The following AGBL4 variants were observed in gnomAD, a reference collection of about 807,000 sequenced individuals.
The protein encoded by AGBL4 is cytosolic carboxypeptidase 6.
Under a neutral mutation model 66.4 loss-of-function variants are expected in AGBL4, and 58 were observed. The ratio of observed to expected loss-of-function variants is 0.87; its 90% CI spans 0.71 to 1.09. The LOEUF is 1.09. Among genes scored for constraint, AGBL4 ranks in the 50% least tolerant of loss-of-function variants. AGBL4 has a pLI of 0.00. For missense variants in AGBL4, 579 were observed against 631.0 expected (o/e 0.92, Z 0.88); for synonymous variants, 234 against 222.9 (o/e 1.05, Z -0.44).
intron 3 of AGBL4, among the ~76,000 whole-genome samples, chr1:49,288,425 G>A (rs1015979557): frequency 6.6e-6 from 1 of 151,704 alleles, no homozygotes; most frequent in African/African-American, 2.4e-5. Context: ...ATCCAACAGA[G>A]AGCATTTGCT....
At chr1:49,238,243 C>T (rs1650941356) in intron 4 of AGBL4, among the ~76,000 whole-genome samples, 1 of 152,132 alleles carries the variant, frequency 6.6e-6, no homozygotes, top group Non-Finnish European at 1.5e-5. Context: ...GGGATGATTT[C>T]ATCCATTTTA....
At chr1:49,391,514 G>A (rs2148592550) in intron 3 of AGBL4, among the ~76,000 whole-genome samples, 1 of 151,746 alleles carries the variant, frequency 6.6e-6, no homozygotes, top group Admixed American at 6.6e-5. Flanking sequence ...TTAAATGTAG[G>A]AATGAGAGAG....
rs577655181 is a variant in AGBL4, at chr1:49,171,422, G to C, written c.377+74348C>G. 8.7e-4 allele frequency among the ~76,000 whole-genome samples: 132 copies of C among 152,258 alleles called. 1 individual carries two copies. Among genetic ancestry groups the C allele is most frequent in the Admixed American group, 2.0e-3 (30 of 15,288 alleles). ...CAGCCCATATTTCAAGTGATTTTCA[G>C]ATCCAACCAAAACACTTCAGTTCCA... On this transcript the variant is annotated intron_variant, in intron 4 of 13. Transcript: ENST00000371839.
Position 49,074,713 on chromosome 1 carries a change from A to G in AGBL4, c.378-28913T>C, listed in dbSNP as rs184623312. 2.0e-5 allele frequency among the ~76,000 whole-genome samples: 3 copies of G among 152,330 alleles called. 1 individual carries two copies. The East Asian group carries it at 5.8e-4, about 29-fold the overall frequency. ...TCCTAAAAAAATAACTAGTATTTGAACCCAGTTCTGTCTCACTCCAAAGGC... is the reference window on the plus strand; with the variant it reads ...TCCTAAAAAAATAACTAGTATTTGAGCCCAGTTCTGTCTCACTCCAAAGGC... On this transcript the variant is annotated intron_variant, in intron 4 of 13. Transcript: ENST00000371839.
At chr1:49,609,045 C>T (rs1247625521) in intron 3 of AGBL4, among the ~76,000 whole-genome samples, 3 of 152,122 alleles carry the variant, frequency 2.0e-5, no homozygotes, top group Admixed American at 2.0e-4. Context: ...ACCTGGCTGC[C>T]ATTGATGCTA....
chr1:49,843,414 C>T (rs961199983), intron 2 of AGBL4, among the ~76,000 whole-genome samples: 5 of 152,156 alleles, frequency 3.3e-5, no homozygotes, highest in Admixed American at 3.3e-4. Context: ...GTTAAGATTA[C>T]AGGCATGAGG....
At chr1:49,733,368 G>A (rs958506218) in intron 2 of AGBL4, among the ~76,000 whole-genome samples, 1 of 152,210 alleles carries the variant, frequency 6.6e-6, no homozygotes, top group Non-Finnish European at 1.5e-5. Flanking sequence ...TGGTAAACAT[G>A]TGGGTAAAGA....
chr1:49,379,999 A>G, intron 3 of AGBL4, among the ~76,000 whole-genome samples: 1 of 152,164 alleles, frequency 6.6e-6, no homozygotes, highest in Non-Finnish European at 1.5e-5. Context: ...AGTTCTGGCC[A>G]GGGAAATTAG....
intron 1 of AGBL4, among the ~76,000 whole-genome samples, chr1:49,913,980 G>T (rs1326935491): frequency 6.6e-6 from 1 of 152,204 alleles, no homozygotes; most frequent in African/African-American, 2.4e-5. Flanking sequence ...AATGGAAGGA[G>T]CATCCTTAAG....
At chr1:48,975,012 GC>G (rs1659201784) in intron 5 of AGBL4, among the ~76,000 whole-genome samples, 1 of 152,024 alleles carries the variant, frequency 6.6e-6, no homozygotes, top group Non-Finnish European at 1.5e-5. Flanking sequence ...TATGTTGACA[GC>G]TACAATATTA....
chr1:48,689,197 C>T (rs1181695134), intron 6 of AGBL4, among the ~76,000 whole-genome samples: 2 of 113,378 alleles, frequency 1.8e-5, no homozygotes, highest in East Asian at 4.2e-4. Context: ...GAGCGAGACC[C>T]GGTCTCAAAA....
chr1:48,643,752 C>T (rs1295870279), intron 8 of AGBL4, among the ~76,000 whole-genome samples: 2 of 150,046 alleles, frequency 1.3e-5, no homozygotes, highest in Admixed American at 1.3e-4. Context: ...GGAGATGAAA[C>T]TTATCTGACT....
chr1:48,593,851 A>T (rs552651620), intron 9 of AGBL4, among the ~76,000 whole-genome samples: 1 of 152,314 alleles, frequency 6.6e-6, no homozygotes, highest in East Asian at 1.9e-4. Flanking sequence ...TGACAGACTG[A>T]CCTTAGAAAG....
intron 2 of AGBL4, among the ~76,000 whole-genome samples, chr1:49,744,334 T>C (rs766048845): frequency 1.3e-5 from 2 of 152,150 alleles, no homozygotes; most frequent in African/African-American, 4.8e-5. Context: ...CCATGTGAGA[T>C]GCCTTGCTCC....
chr1:49,010,615 C>G (rs1239553459), intron 5 of AGBL4, among the ~76,000 whole-genome samples: 29 of 135,440 alleles, frequency 2.1e-4, no homozygotes, highest in Non-Finnish European at 3.9e-4. Flanking sequence ...CATCACACTA[C>G]CTGACTTCAA....
rs1333265724 is a variant in AGBL4 at position 49,271,665 on chromosome 1, ACTTT to A, written c.283-25805_283-25802del. Among the ~76,000 whole-genome samples, 3 of 151,928 alleles carry A rather than the reference ACTTT, an allele frequency of 2.0e-5. No homozygotes were observed. In the East Asian group the frequency reaches 5.8e-4, roughly 29 times the overall value. ...AATTATGTATTTGGTCTGTCTGTTCACTTTCTTTCTTACAAAATATTCTACCATT... is the reference window on the plus strand; with the variant it reads ...AATTATGTATTTGGTCTGTCTGTTCACTTTCTTACAAAATATTCTACCATT... On this transcript the variant is annotated intron_variant, in intron 3 of 13. Coordinates refer to ENST00000371839, the MANE Select transcript of AGBL4 (RefSeq NM_032785.4).
At chr1:48,663,574 C>T (rs1646140958) in intron 6 of AGBL4, among the ~76,000 whole-genome samples, 1 of 152,070 alleles carries the variant, frequency 6.6e-6, no homozygotes, top group Non-Finnish European at 1.5e-5. Context: ...TTCCAAGTTT[C>T]CATTTTCTAA....
chr1:48,588,206 C>T (rs185233356), intron 10 of AGBL4, among the ~76,000 whole-genome samples: 1 of 152,314 alleles, frequency 6.6e-6, no homozygotes, highest in Non-Finnish European at 1.5e-5. Context: ...ACCAAAGAAT[C>T]TACTTCCTTT....
Position 48,590,810 on chromosome 1 carries a change from C to A in AGBL4, c.1104+23G>T, listed in dbSNP as rs535916111. The A allele has an allele frequency of 2.8e-5, 44 of 1,581,308 alleles. No homozygotes were observed. In the East Asian group the frequency reaches 9.4e-4, roughly 34 times the overall value. On this transcript the variant is annotated intron_variant, in intron 10 of 13. Transcript: ENST00000371839. ...GCAGGGTGTGGGGGGCTGGGGCTGG[C>A]TGAGAGAGAACTCCTGGCTTACATA...
Sources: gnomAD v4.1 joint callset for allele counts (sites outside exome capture counted in the v4.1 genomes callset) on GRCh38, gnomAD v4.1.1 for gene constraint, MANE v1.5 for transcripts, NCBI Gene and HGNC (gene_info 2026-07-23, HGNC 2026-07-21) for gene names.